Variants in SRGAP3 observed in about 807,000 individuals in gnomAD.
The protein encoded by SRGAP3 is SLIT-ROBO Rho GTPase-activating protein 3.
Under a neutral mutation model 121.1 loss-of-function variants are expected in SRGAP3, and 39 were observed. The ratio of observed to expected loss-of-function variants is 0.32; its 90% CI spans 0.25 to 0.42. The LOEUF is 0.42. Among genes scored for constraint, SRGAP3 ranks in the 10% least tolerant of loss-of-function variants. SRGAP3 has a pLI of 1.00. For synonymous variants in SRGAP3, 601 were observed against 570.0 expected (o/e 1.05, Z -0.77); for missense variants, 1,213 against 1,470.6 (o/e 0.82, Z 2.86).
At chr3:9,051,174 G>A (rs1488739272) in intron 9 of SRGAP3, among the ~76,000 whole-genome samples, 1 of 151,852 alleles carries the variant, frequency 6.6e-6, no homozygotes, top group Non-Finnish European at 1.5e-5. Flanking sequence ...CCATAGATAT[G>A]CACTTGTATT....
chr3:9,120,719 G>C (rs183723460), intron 2 of SRGAP3, among the ~76,000 whole-genome samples: 4 of 152,352 alleles, frequency 2.6e-5, no homozygotes, highest in African/African-American at 9.6e-5. Flanking sequence ...AAGAGAGCAA[G>C]GATGTCAGAG....
chr3:9,072,964 C>T (rs1382598753), intron 4 of SRGAP3, among the ~76,000 whole-genome samples: 2 of 152,206 alleles, frequency 1.3e-5, no homozygotes, highest in Non-Finnish European at 2.9e-5. Flanking sequence ...GTCGTGCCCA[C>T]ACATCTTCAA....
intron 2 of SRGAP3, among the ~76,000 whole-genome samples, chr3:9,326,436 C>T (rs548925958): frequency 6.6e-6 from 1 of 151,916 alleles, no homozygotes; most frequent in Admixed American, 6.5e-5. Flanking sequence ...AAACTATTTC[C>T]ACAATGTATA....
intron 1 of SRGAP3, among the ~76,000 whole-genome samples, chr3:9,337,180 G>C (rs1265689141): frequency 1.3e-5 from 2 of 152,140 alleles, no homozygotes; most frequent in Non-Finnish European, 2.9e-5. Flanking sequence ...CCTTCAACTG[G>C]TTTTATGAGG....
chr3:9,258,155 G>A (rs556659738), intron 3 of SRGAP3, among the ~76,000 whole-genome samples: 1 of 152,294 alleles, frequency 6.6e-6, no homozygotes, highest in East Asian at 1.9e-4. Context: ...TTATGGAGAA[G>A]CACAGGGTCC....
In SRGAP3 at chr3:8,980,633, C is replaced by G. The variant is rs113773884; in HGVS notation, c.*4886G>C. 5 of 229,686 alleles carry G rather than the reference C, an allele frequency of 2.2e-5. No individual in the cohort carries two copies. The highest frequency in any genetic ancestry group is 8.9e-5 in the African/African-American group (4 of 45,020). The allele number at this position is 229,686 out of a possible 1,614,324, so 14.2% of individuals were successfully genotyped here. ...TGTTTTATTTCACAGGATAGCTCCA[C>G]GTCAAACCAGCAGGCACCATCAGAA... On this transcript the variant is annotated 3_prime_UTR_variant, in exon 22 of 22. Transcript: ENST00000383836.
intron 1 of SRGAP3, among the ~76,000 whole-genome samples, chr3:9,139,219 G>A (rs1949766950): frequency 6.6e-6 from 1 of 152,210 alleles, no homozygotes; most frequent in Non-Finnish European, 1.5e-5. Context: ...TAAATGAAAT[G>A]TTGTATGTGT....
intron 18 of SRGAP3, among the ~76,000 whole-genome samples, chr3:9,009,276 G>A (rs570125248): frequency 5.3e-5 from 8 of 152,184 alleles, no homozygotes; most frequent in South Asian, 2.1e-4. Flanking sequence ...GGTGGCCAAC[G>A]TGTCCTGGTC....
At chr3:9,022,788 C>G (rs989028321) in intron 14 of SRGAP3, among the ~76,000 whole-genome samples, 1 of 152,146 alleles carries the variant, frequency 6.6e-6, no homozygotes, top group Non-Finnish European at 1.5e-5. Flanking sequence ...GAATGAGATT[C>G]GTTTTGGAAC....
intron 3 of SRGAP3, among the ~76,000 whole-genome samples, chr3:9,097,984 C>T (rs1365097730): frequency 6.6e-6 from 1 of 152,158 alleles, no homozygotes; most frequent in Non-Finnish European, 1.5e-5. Context: ...CTGATACACC[C>T]CTGCACCGAA....
At chr3:9,240,990 C>T (rs191048991) in intron 1 of SRGAP3, among the ~76,000 whole-genome samples, 1 of 152,270 alleles carries the variant, frequency 6.6e-6, no homozygotes, top group East Asian at 1.9e-4. Context: ...AAGACCCACC[C>T]CACACTTCCC....
At chr3:9,047,518 G>C in intron 9 of SRGAP3, 43 bp from the exon 10 acceptor site, 1 of 1,583,726 alleles carries the variant, frequency 6.3e-7, no homozygotes. Flanking sequence ...TTGCAAGGCC[G>C]AGTAATGGGA....
chr3:9,152,602 A>G (rs1950250709), intron 1 of SRGAP3, among the ~76,000 whole-genome samples: 2 of 152,204 alleles, frequency 1.3e-5, no homozygotes, highest in African/African-American at 2.4e-5. Flanking sequence ...CAAACCTGGC[A>G]TAGCCCCTGA....
At chr3:8,993,205 T>G in intron 19 of SRGAP3, 150 bp from the exon 20 acceptor site, 1 of 1,288,322 alleles carries the variant, frequency 7.8e-7, no homozygotes, top group Non-Finnish European at 1.1e-6. Flanking sequence ...GCCCACTGGG[T>G]GCCTTCCCAC....
chr3:9,219,000 A>T lies in SRGAP3; in HGVS notation c.67+29885T>A, dbSNP rs1952718962. Among the ~76,000 whole-genome samples the T allele has an allele frequency of 1.3e-5, 2 of 151,680 alleles. No individual in the cohort carries two copies. The highest frequency in any genetic ancestry group is 6.6e-5 in the Admixed American group (1 of 15,240). ...TTTTATCTTATCTTATTTTATTTTT[A>T]TTTTATTTTATTTAAATAGAGACAG... On this transcript the variant is annotated intron_variant, in intron 1 of 21. Transcript: ENST00000383836. This position sits in a 1 kb window ranked among gnomAD's most constrained non-coding sequence, Gnocchi z 5.3.
At chr3:9,248,737 T>G (rs1034772019) in intron 1 of SRGAP3, 148 bp downstream of exon 1, 13 of 826,860 alleles carry the variant, frequency 1.6e-5, no homozygotes, top group Non-Finnish European at 2.6e-5. Flanking sequence ...CTTGTGCGGC[T>G]GCCACTGTTA....
chr3:9,124,922 G>C lies in SRGAP3; in HGVS notation c.68-5C>G. On this transcript the variant is annotated splice_polypyrimidine_tract_variant and splice_region_variant and intron_variant, in intron 1 of 21. Coordinates refer to ENST00000383836, the MANE Select transcript of SRGAP3 (RefSeq NM_014850.4). ...CCACCAGCTGCGTGCGGATCTCTGC[G>C]GGCACACAAGGGTAGGAGCATGAGA... 6.2e-7 allele frequency: 1 copy of C among 1,613,880 alleles called. No homozygotes were observed. Among genetic ancestry groups the C allele is most frequent in the Non-Finnish European group, 8.5e-7 (1 of 1,180,032 alleles).
intron 1 of SRGAP3, among the ~76,000 whole-genome samples, chr3:9,140,681 C>T (rs1466905573): frequency 1.3e-5 from 2 of 152,246 alleles, no homozygotes; most frequent in African/African-American, 2.4e-5. Context: ...GGAATGCACA[C>T]AACTGTTCCA....
chr3:9,300,848 A>G (rs547119541), intron 3 of SRGAP3, among the ~76,000 whole-genome samples: 2 of 152,340 alleles, frequency 1.3e-5, no homozygotes, highest in East Asian at 3.9e-4. Flanking sequence ...CTGCCACAAC[A>G]AGGAATGATC....
Sources: allele counts gnomAD v4.1 joint callset (sites outside exome capture counted in the v4.1 genomes callset), GRCh38; gene constraint gnomAD v4.1.1; non-coding constraint Gnocchi (gnomAD v3.1); transcripts MANE v1.5; gene names NCBI Gene and HGNC (gene_info 2026-07-23, HGNC 2026-07-21).